Variants in SPHKAP observed in about 807,000 individuals in gnomAD.
The protein encoded by SPHKAP is SPHK1 interactor, AKAP domain containing, also known as A-kinase anchor protein SPHKAP.
Under a neutral mutation model 137.5 loss-of-function variants are expected in SPHKAP, and 67 were observed. That is an observed-to-expected ratio of 0.49 (90% confidence interval 0.40 to 0.60). The LOEUF is 0.60. Ranked by LOEUF, SPHKAP falls within the 20% of genes least tolerant of loss-of-function variation. The probability of loss-of-function intolerance (pLI) is 0.00; values close to 1 mark genes in which losing one functional copy is unlikely to be tolerated. For synonymous variants in SPHKAP, 813 were observed against 785.3 expected, an observed-to-expected ratio of 1.04 and a Z score of -0.59; for missense variants, 2,097 against 2,069.3, an observed-to-expected ratio of 1.01 and a Z score of -0.26.
At chr2:228,057,530 AAGAG>A (rs748843572) in intron 3 of SPHKAP, among the ~76,000 whole-genome samples, 3 of 152,088 alleles carry the variant, frequency 2.0e-5, no homozygotes, top group African/African-American at 4.8e-5. Flanking sequence ...GAACGCAAAA[AAGAG>A]GAGAGGAGAG....
chr2:228,140,994 T>C (rs1699588180), intron 1 of SPHKAP, among the ~76,000 whole-genome samples: 1 of 152,166 alleles, frequency 6.6e-6, no homozygotes, highest in African/African-American at 2.4e-5. Flanking sequence ...TATTTCTTTA[T>C]AGCAAAAAAA....
intron 2 of SPHKAP, among the ~76,000 whole-genome samples, chr2:228,119,959 T>C (rs2106361658): frequency 6.6e-6 from 1 of 152,282 alleles, no homozygotes; most frequent in South Asian, 2.1e-4. Context: ...TGTAAAGCAT[T>C]CATGCATTAT....
At chr2:228,008,086 A>G (rs981804494) in intron 7 of SPHKAP, among the ~76,000 whole-genome samples, 4 of 152,014 alleles carry the variant, frequency 2.6e-5, no homozygotes, top group Non-Finnish European at 4.4e-5. Flanking sequence ...CCTTTATTAG[A>G]TATGTATTTT....
chr2:228,085,267 G>A (rs572970907), intron 3 of SPHKAP, among the ~76,000 whole-genome samples: 1 of 152,234 alleles, frequency 6.6e-6, no homozygotes, highest in South Asian at 2.1e-4. Context: ...GTTTATTTTT[G>A]TTTGCCTGTA....
At position 227,991,081 on chromosome 2, in the gene SPHKAP, G is replaced by C; in HGVS notation, c.4878C>G (p.Ala1626=). The change falls in exon 11 of 12, where the codon GCC becomes GCG. Residue 1626 remains alanine, a synonymous_variant. Coordinates refer to ENST00000392056, the MANE Select transcript of SPHKAP (RefSeq NM_001142644.2). Reference sequence around the variant, plus strand: ...CAGAGGCAGCTATCCACTGCAGAGTGGCTCGGAGCTCGGCATCTGGACACT... The same window carrying C: ...CAGAGGCAGCTATCCACTGCAGAGTCGCTCGGAGCTCGGCATCTGGACACT... The part of the protein sequence containing the change: ...EPECPDAELR[A]TLQWIAASEL... The C allele has an allele frequency of 6.2e-7, 1 of 1,614,154 alleles. No individual in the cohort carries two copies. Among genetic ancestry groups the C allele is most frequent in the Non-Finnish European group, 8.5e-7 (1 of 1,180,020 alleles).
chr2:228,163,325 CGAGA>C (rs367853190), intron 1 of SPHKAP, among the ~76,000 whole-genome samples: 2 of 150,322 alleles, frequency 1.3e-5, no homozygotes, highest in African/African-American at 4.9e-5. Flanking sequence ...AGAGAGAAAA[CGAGA>C]GAGAGAGAGA....
intron 2 of SPHKAP, among the ~76,000 whole-genome samples, chr2:228,125,199 A>C (rs1360943420): frequency 6.6e-6 from 1 of 152,198 alleles, no homozygotes; most frequent in Non-Finnish European, 1.5e-5. Context: ...ACTCGGTTTC[A>C]CTATATCCTA....
chr2:228,041,834 T>C (rs10193773), intron 3 of SPHKAP, among the ~76,000 whole-genome samples: 2 of 151,548 alleles, frequency 1.3e-5, no homozygotes, highest in Admixed American at 1.3e-4. Flanking sequence ...ATGTGCAGAC[T>C]CTGGCTCTGC....
intron 1 of SPHKAP, among the ~76,000 whole-genome samples, chr2:228,157,511 C>T (rs1700141190): frequency 6.6e-6 from 1 of 152,074 alleles, no homozygotes; most frequent in Non-Finnish European, 1.5e-5. Context: ...AAGGCAGGAC[C>T]CAATTAATAA....
intron 1 of SPHKAP, among the ~76,000 whole-genome samples, chr2:228,137,307 G>A (rs896844994): frequency 2.6e-5 from 4 of 152,202 alleles, no homozygotes; most frequent in African/African-American, 7.2e-5. Context: ...GAAGTTGTAT[G>A]TTCTTATCTT....
intron 3 of SPHKAP, among the ~76,000 whole-genome samples, chr2:228,037,471 A>G (rs1200049078): frequency 6.6e-6 from 1 of 152,180 alleles, no homozygotes; most frequent in Admixed American, 6.5e-5. Context: ...TTCATGTTGC[A>G]ATGTCTGCTT....
chr2:228,016,279 T>A, intron 7 of SPHKAP, 127 bp downstream of exon 7: 1 of 1,448,050 alleles, frequency 6.9e-7, no homozygotes, highest in Non-Finnish European at 9.1e-7. Context: ...ATTTTTTTTT[T>A]TTTTGGTCTT....
chr2:228,067,230 G>A (rs1223097204), intron 3 of SPHKAP, among the ~76,000 whole-genome samples: 1 of 152,172 alleles, frequency 6.6e-6, no homozygotes, highest in Non-Finnish European at 1.5e-5. Flanking sequence ...CACTGCAGAA[G>A]TCCCAATTAT....
At chr2:228,124,474 A>G (rs1323958683) in intron 2 of SPHKAP, among the ~76,000 whole-genome samples, 1 of 151,794 alleles carries the variant, frequency 6.6e-6, no homozygotes, top group East Asian at 1.9e-4. Flanking sequence ...TCAGCAAACT[A>G]TCTCAAGGAC....
intron 3 of SPHKAP, among the ~76,000 whole-genome samples, chr2:228,059,094 G>A (rs528419985): frequency 7.4e-4 from 112 of 152,224 alleles, no homozygotes; most frequent in Admixed American, 3.4e-3. Flanking sequence ...ATGCATTTGC[G>A]TTGTATTCAT....
At chr2:228,107,956 C>A (rs938899847) in intron 3 of SPHKAP, among the ~76,000 whole-genome samples, 3 of 152,120 alleles carry the variant, frequency 2.0e-5, no homozygotes, top group Non-Finnish European at 4.4e-5. Flanking sequence ...GTTTAACATC[C>A]TCTGTCTGCC....
chr2:228,027,754 T>A (rs572632611), intron 3 of SPHKAP, among the ~76,000 whole-genome samples: 1 of 151,946 alleles, frequency 6.6e-6, no homozygotes, highest in South Asian at 2.1e-4. Flanking sequence ...GATCACGAGG[T>A]CAGGAGATCG....
chr2:228,011,127 T>C (rs1694348695), intron 7 of SPHKAP, among the ~76,000 whole-genome samples: 1 of 152,192 alleles, frequency 6.6e-6, no homozygotes, highest in Non-Finnish European at 1.5e-5. Context: ...ACAAGTATAA[T>C]GCAAATTAGA....
At chr2:228,048,326 A>C (rs887289270) in intron 3 of SPHKAP, among the ~76,000 whole-genome samples, 7 of 123,724 alleles carry the variant, frequency 5.7e-5, no homozygotes, top group Non-Finnish European at 1.1e-4. Flanking sequence ...TTATCTGAAT[A>C]CCTTTTGGTG....
Sources: allele counts gnomAD v4.1 joint callset (sites outside exome capture counted in the v4.1 genomes callset), GRCh38; gene constraint gnomAD v4.1.1; transcripts MANE v1.5; gene names NCBI Gene and HGNC (gene_info 2026-07-23, HGNC 2026-07-21).